TRAPPC9: variants seen among roughly 807,000 people sequenced by gnomAD.
TRAPPC9 encodes the protein trafficking protein particle complex subunit 9.
TRAPPC9 carries 83 observed loss-of-function variants against 124.0 expected under a neutral mutation model. The ratio of observed to expected loss-of-function variants is 0.67; its 90% CI spans 0.56 to 0.80. TRAPPC9 has a LOEUF of 0.80. Ranked by LOEUF, TRAPPC9 falls within the 30% of genes least tolerant of loss-of-function variation. The probability of loss-of-function intolerance (pLI) is 0.00; values close to 1 mark genes in which losing one functional copy is unlikely to be tolerated. For missense variants in TRAPPC9, 1,302 were observed against 1,508.3 expected (o/e 0.86, Z 2.27); for synonymous variants, 638 against 617.5 (o/e 1.03, Z -0.49).
chr8:140,217,550 C>G (rs951215946), intron 17 of TRAPPC9, among the ~76,000 whole-genome samples: 50 of 152,274 alleles, frequency 3.3e-4, no homozygotes, highest in African/African-American at 1.2e-3. Flanking sequence ...TCTGGACTTA[C>G]AGCATAATAC....
At chr8:140,019,912 G>A (rs1383028815) in intron 18 of TRAPPC9, among the ~76,000 whole-genome samples, 1 of 152,066 alleles carries the variant, frequency 6.6e-6, no homozygotes, top group Non-Finnish European at 1.5e-5. Context: ...GGAGTGCAGT[G>A]GCACGATCGT....
At chr8:140,138,351 T>C (rs974925907) in intron 17 of TRAPPC9, among the ~76,000 whole-genome samples, 1 of 152,002 alleles carries the variant, frequency 6.6e-6, no homozygotes, top group African/African-American at 2.4e-5. Flanking sequence ...AATCCTGGAG[T>C]GTACTAAACT....
intron 17 of TRAPPC9, among the ~76,000 whole-genome samples, chr8:140,198,472 G>A (rs1024011561): frequency 7.9e-5 from 12 of 151,706 alleles, no homozygotes; most frequent in Non-Finnish European, 5.9e-5. Flanking sequence ...CTGATCTTGC[G>A]GCCCCCACCC....
In TRAPPC9 at chr8:140,087,165, C is replaced by T. The variant is rs1844240843; in HGVS notation, c.2557-63086G>A. ...TGACGTTCTCAGCAGCTGTCATTTG[C>T]TCCTAAGCCACGCCCCATGTTTCCA... On this transcript the variant is annotated intron_variant, in intron 17 of 22. Coordinates refer to ENST00000438773, the MANE Select transcript of TRAPPC9 (RefSeq NM_001160372.4). This position sits in a 1 kb window ranked among gnomAD's most constrained non-coding sequence, Gnocchi z 4.6. Among the ~76,000 whole-genome samples, 1 of 152,190 alleles carries T rather than the reference C, an allele frequency of 6.6e-6. No individual in the cohort carries two copies. Among genetic ancestry groups the T allele is most frequent in the South Asian group, 2.1e-4 (1 of 4,830 alleles).
chr8:139,920,205 G>C (rs962548924), intron 19 of TRAPPC9, among the ~76,000 whole-genome samples: 1 of 152,136 alleles, frequency 6.6e-6, no homozygotes, highest in African/African-American at 2.4e-5. Context: ...AATTAGCCAG[G>C]CGTGGTGGCG....
intron 10 of TRAPPC9, among the ~76,000 whole-genome samples, chr8:140,305,521 C>A (rs547383931): frequency 2.2e-4 from 34 of 152,284 alleles, no homozygotes; most frequent in Admixed American, 7.8e-4. Flanking sequence ...AGGCTGGTCT[C>A]GAACTCCTGA....
chr8:139,972,877 C>A (rs2665940), intron 19 of TRAPPC9, among the ~76,000 whole-genome samples: 2 of 152,078 alleles, frequency 1.3e-5, no homozygotes, highest in African/African-American at 4.8e-5. Flanking sequence ...GTTCCAGTTC[C>A]CCACAGCTGA....
intron 4 of TRAPPC9, among the ~76,000 whole-genome samples, chr8:140,429,086 GT>G (rs71320358): frequency 2.1e-3 from 299 of 143,060 alleles, no homozygotes; most frequent in African/African-American, 5.8e-3. Flanking sequence ...TTCTGTTTTT[GT>G]TTTTTTTTTT....
intron 20 of TRAPPC9, among the ~76,000 whole-genome samples, chr8:139,906,645 AG>A (rs1353550711): frequency 6.6e-6 from 1 of 152,172 alleles, no homozygotes; most frequent in African/African-American, 2.4e-5. Context: ...TGAACCCTGC[AG>A]GTTCTTGGTG....
intron 17 of TRAPPC9, among the ~76,000 whole-genome samples, chr8:140,051,461 T>C (rs532926794): frequency 6.6e-6 from 1 of 151,990 alleles, no homozygotes; most frequent in South Asian, 2.1e-4. Flanking sequence ...ATCTGAGGGG[T>C]CCCTCTCCCT....
At chr8:140,125,895 A>G (rs558693482) in intron 17 of TRAPPC9, among the ~76,000 whole-genome samples, 2 of 152,178 alleles carry the variant, frequency 1.3e-5, no homozygotes, top group African/African-American at 2.4e-5. Flanking sequence ...GCACTTGACC[A>G]TCTTTAATTT....
chr8:139,801,804 A>T (rs1823549570), intron 21 of TRAPPC9, among the ~76,000 whole-genome samples: 1 of 152,118 alleles, frequency 6.6e-6, no homozygotes, highest in African/African-American at 2.4e-5. Context: ...CTCAAGCGCC[A>T]ATTAGCTAAT....
intron 18 of TRAPPC9, among the ~76,000 whole-genome samples, chr8:140,014,679 G>A (rs934266840): frequency 6.6e-6 from 1 of 152,148 alleles, no homozygotes; most frequent in Non-Finnish European, 1.5e-5. Context: ...CAGAGTCCAG[G>A]ACTCCAGGCT....
At chr8:139,980,072 A>C (rs1836786470) in intron 19 of TRAPPC9, among the ~76,000 whole-genome samples, 1 of 150,922 alleles carries the variant, frequency 6.6e-6, no homozygotes, top group Non-Finnish European at 1.5e-5. Context: ...ATCGCACCTC[A>C]CTTCCAAGAC....
intron 16 of TRAPPC9, among the ~76,000 whole-genome samples, chr8:140,230,852 G>T (rs966912235): frequency 6.6e-6 from 1 of 152,212 alleles, no homozygotes; most frequent in African/African-American, 2.4e-5. Context: ...GCATTTGTGA[G>T]CACTGGGGAT....
At chr8:140,261,160 C>T (rs1456755386) in intron 15 of TRAPPC9, among the ~76,000 whole-genome samples, 2 of 152,162 alleles carry the variant, frequency 1.3e-5, no homozygotes, top group African/African-American at 2.4e-5. Context: ...ACACAGAACC[C>T]GCCTAGGTCA....
chr8:139,779,771 C>G (rs1821663170), intron 21 of TRAPPC9, among the ~76,000 whole-genome samples: 1 of 151,298 alleles, frequency 6.6e-6, no homozygotes, highest in Non-Finnish European at 1.5e-5. Flanking sequence ...ATTAGAAAAT[C>G]TAAAAGAATT....
chr8:139,763,542 C>T (rs1307547862), intron 21 of TRAPPC9, among the ~76,000 whole-genome samples: 3 of 152,134 alleles, frequency 2.0e-5, no homozygotes, highest in Non-Finnish European at 4.4e-5. Flanking sequence ...CAAAACAACG[C>T]CCATGGCTTC....
At chr8:140,448,417 C>CTGCG (rs1455935955) in intron 2 of TRAPPC9, among the ~76,000 whole-genome samples, 1 of 152,262 alleles carries the variant, frequency 6.6e-6, no homozygotes, top group Non-Finnish European at 1.5e-5. Flanking sequence ...GCGTGACGCA[C>CTGCG]TGCGTCACAG....
Sources: allele counts gnomAD v4.1 joint callset (sites outside exome capture counted in the v4.1 genomes callset), GRCh38; gene constraint gnomAD v4.1.1; non-coding constraint Gnocchi (gnomAD v3.1); transcripts MANE v1.5; gene names NCBI Gene and HGNC (gene_info 2026-07-23, HGNC 2026-07-21).